Variants in PCSK5 observed in about 807,000 individuals in gnomAD.
PCSK5 encodes proprotein convertase subtilisin/kexin type 5.
PCSK5 carries 129 observed loss-of-function variants against 233.2 expected under a neutral mutation model. The ratio of observed to expected loss-of-function variants is 0.55; its 90% CI spans 0.48 to 0.64. The LOEUF (loss-of-function observed/expected upper bound fraction) is 0.64. PCSK5 is among the 30% of genes least tolerant of loss of function. The pLI is 0.00. For synonymous variants in PCSK5, 825 were observed against 879.2 expected (o/e 0.94, Z 1.09); for missense variants, 2,076 against 2,430.1 (o/e 0.85, Z 3.06).
intron 9 of PCSK5, among the ~76,000 whole-genome samples, chr9:76,115,559 T>C (rs1832390381): frequency 1.3e-5 from 2 of 152,092 alleles, no homozygotes; most frequent in African/African-American, 4.8e-5. Flanking sequence ...GGTTTGTGGA[T>C]TTTACTCAAT....
chr9:76,300,368 A>G (rs559763080), intron 27 of PCSK5, among the ~76,000 whole-genome samples: 3 of 152,338 alleles, frequency 2.0e-5, no homozygotes, highest in Admixed American at 6.5e-5. Context: ...AAAAAAACAC[A>G]TGGCACTGGG....
rs146581169 is a variant in PCSK5 at position 76,287,653 on chromosome 9, G to T, written c.3143-4580G>T. 2.3e-3 allele frequency: 349 copies of T among 152,262 alleles called. 2 individuals are homozygous for T. In the East Asian group the frequency reaches 0.048, roughly 21 times the overall value. 9.4% of individuals were successfully genotyped at this position (152,262 alleles called of 1,614,324 possible). A position where few individuals can be genotyped will look rare whatever the true frequency, so the allele number is the denominator to read the frequency against. ...GTTTTGTATTTTTAGTAGAGACGGG[G>T]TTTCATCATGTTAGCCAGGCTGGTC... On this transcript the variant is annotated intron_variant, in intron 24 of 37. Transcript: ENST00000674117.
chr9:75,947,779 T>TC (rs1176386565), intron 2 of PCSK5, among the ~76,000 whole-genome samples: 1 of 152,202 alleles, frequency 6.6e-6, no homozygotes, highest in Non-Finnish European at 1.5e-5. Flanking sequence ...AACTGAAGTC[T>TC]CCCAGGAATG....
At chr9:75,994,731 A>T (rs1205412138) in intron 3 of PCSK5, among the ~76,000 whole-genome samples, 1 of 151,892 alleles carries the variant, frequency 6.6e-6, no homozygotes, top group East Asian at 1.9e-4. Flanking sequence ...CCCACCTCCC[A>T]GTTTTTACTT....
At chr9:75,971,892 A>G (rs773136634) in intron 2 of PCSK5, among the ~76,000 whole-genome samples, 7 of 151,938 alleles carry the variant, frequency 4.6e-5, no homozygotes, top group Non-Finnish European at 1.0e-4. Context: ...TACTCTGATC[A>G]TAGTTTCTTT....
chr9:76,267,557 G>A (rs2131368539), intron 24 of PCSK5, among the ~76,000 whole-genome samples: 2 of 152,274 alleles, frequency 1.3e-5, no homozygotes, highest in Middle Eastern at 6.8e-3. Flanking sequence ...GTATTTGGCT[G>A]TTCACAGGAA....
At chr9:76,084,479 A>G (rs968615523) in intron 7 of PCSK5, among the ~76,000 whole-genome samples, 4 of 152,182 alleles carry the variant, frequency 2.6e-5, no homozygotes, top group Admixed American at 6.5e-5. Flanking sequence ...CTGTTAGACT[A>G]TTCTACTCCT....
chr9:76,106,187 CT>C (rs1229665350), intron 8 of PCSK5, among the ~76,000 whole-genome samples: 1 of 152,182 alleles, frequency 6.6e-6, no homozygotes, highest in Non-Finnish European at 1.5e-5. Context: ...ATATACTTGC[CT>C]TGATGCGAAA....
chr9:75,914,885 A>C (rs1362440030), intron 1 of PCSK5, among the ~76,000 whole-genome samples: 6 of 152,080 alleles, frequency 3.9e-5, no homozygotes, highest in Admixed American at 3.9e-4. Context: ...TTTTTCCCCT[A>C]CTTCTGTGAA....
At chr9:76,027,970 T>C (rs1056570392) in intron 5 of PCSK5, among the ~76,000 whole-genome samples, 3 of 152,230 alleles carry the variant, frequency 2.0e-5, no homozygotes, top group Non-Finnish European at 4.4e-5. Context: ...CTCAACTAGG[T>C]TTATTTGATT....
intron 1 of PCSK5, among the ~76,000 whole-genome samples, chr9:75,909,671 G>A (rs375184239): frequency 6.6e-6 from 1 of 152,078 alleles, no homozygotes; most frequent in South Asian, 2.1e-4. Flanking sequence ...CTTCAGCCTG[G>A]GTAACAAGAG....
intron 2 of PCSK5, among the ~76,000 whole-genome samples, chr9:75,960,515 C>T (rs1825303417): frequency 6.6e-6 from 1 of 152,032 alleles, no homozygotes; most frequent in South Asian, 2.1e-4. Flanking sequence ...GGAATGTGAT[C>T]ATGTGAAAGG....
intron 22 of PCSK5, among the ~76,000 whole-genome samples, chr9:76,235,907 A>G (rs2131322638): frequency 6.6e-6 from 1 of 152,372 alleles, no homozygotes; most frequent in African/African-American, 2.4e-5. Flanking sequence ...GAAGTTCCAT[A>G]TCCATAAATG....
At chr9:76,085,026 T>G (rs1394316832) in intron 7 of PCSK5, among the ~76,000 whole-genome samples, 1 of 152,184 alleles carries the variant, frequency 6.6e-6, no homozygotes, top group Non-Finnish European at 1.5e-5. Flanking sequence ...CTCAGCTTAT[T>G]GATTTGTAAA....
chr9:76,209,320 A>G (rs190239627), intron 20 of PCSK5, among the ~76,000 whole-genome samples: 6 of 152,094 alleles, frequency 3.9e-5, no homozygotes, highest in Admixed American at 1.3e-4. Context: ...CCTTACCAGC[A>G]CTCCCTGATT....
chr9:75,945,000 T>C (rs1329575204), intron 2 of PCSK5, among the ~76,000 whole-genome samples: 1 of 151,714 alleles, frequency 6.6e-6, no homozygotes, highest in Non-Finnish European at 1.5e-5. Flanking sequence ...TCCCAACTAC[T>C]CGGGAGGCTG....
chr9:76,247,951 A>AT (rs1826669827), intron 24 of PCSK5, among the ~76,000 whole-genome samples: 1 of 151,526 alleles, frequency 6.6e-6, no homozygotes, highest in Non-Finnish European at 1.5e-5. Context: ...CACCTGACTA[A>AT]TTTTTTGTAT....
At chr9:76,351,531 A>G (rs866652333) in intron 36 of PCSK5, among the ~76,000 whole-genome samples, 1 of 85,844 alleles carries the variant, frequency 1.2e-5, no homozygotes, top group Non-Finnish European at 2.7e-5. Flanking sequence ...AAAGAAAGAA[A>G]GGAAGGAAAG....
intron 15 of PCSK5, among the ~76,000 whole-genome samples, chr9:76,180,092 T>TATATATATATATATAC (rs1823789685): frequency 7.2e-6 from 1 of 138,630 alleles, no homozygotes; most frequent in Non-Finnish European, 1.5e-5. Flanking sequence ...TGTGTGTATA[T>TATATATATATATATAC]ATATATATAT....
Sources: gnomAD v4.1 joint callset for allele counts (sites outside exome capture counted in the v4.1 genomes callset) on GRCh38, gnomAD v4.1.1 for gene constraint, MANE v1.5 for transcripts, NCBI Gene and HGNC (gene_info 2026-07-23, HGNC 2026-07-21) for gene names.